The following STK3 variants were observed in gnomAD, a reference collection of about 807,000 sequenced individuals.
STK3 encodes serine/threonine-protein kinase 3.
A neutral mutation model predicts 58.0 loss-of-function variants in STK3; 41 were observed. That is an observed-to-expected ratio of 0.71 (90% CI 0.55 to 0.92). The LOEUF (loss-of-function observed/expected upper bound fraction) is 0.92, where lower values mean the gene tolerates loss of function less well. Among genes scored for constraint, STK3 ranks in the 40% least tolerant of loss-of-function variants. The pLI is 0.00. For missense variants in STK3, 479 were observed against 602.7 expected, an observed-to-expected ratio of 0.79 and a Z score of 2.15; for synonymous variants, 170 against 191.0, an observed-to-expected ratio of 0.89 and a Z score of 0.91.
At chr8:98,604,321 G>A (rs1327585056) in intron 6 of STK3, among the ~76,000 whole-genome samples, 1 of 152,214 alleles carries the variant, frequency 6.6e-6, no homozygotes, top group Non-Finnish European at 1.5e-5. Flanking sequence ...ACTGATAAAA[G>A]GCGTGGGCTC....
At chr8:98,744,189 TA>T (rs1325828045) in intron 4 of STK3, among the ~76,000 whole-genome samples, 1 of 152,160 alleles carries the variant, frequency 6.6e-6, no homozygotes, top group African/African-American at 2.4e-5. Flanking sequence ...CTCAGGGATC[TA>T]GAACTAGAAA....
chr8:98,712,531 C>T (rs1826568850), intron 4 of STK3, among the ~76,000 whole-genome samples: 1 of 150,984 alleles, frequency 6.6e-6, no homozygotes, highest in African/African-American at 2.4e-5. Context: ...TCAAAAGAGA[C>T]AAAGAAGGCC....
chr8:98,742,022 C>T (rs1268828799), intron 4 of STK3, among the ~76,000 whole-genome samples: 10 of 152,104 alleles, frequency 6.6e-5, no homozygotes, highest in Non-Finnish European at 1.2e-4. Context: ...CCTCCCAAGA[C>T]TAAACCAGGA....
chr8:98,730,396 T>C (rs927573802), intron 4 of STK3, among the ~76,000 whole-genome samples: 2 of 152,196 alleles, frequency 1.3e-5, no homozygotes, highest in African/African-American at 4.8e-5. Context: ...ATGTCTCTTA[T>C]ATATCAAACT....
At chr8:98,899,389 C>T (rs1348066711) in intron 1 of STK3, among the ~76,000 whole-genome samples, 2 of 152,132 alleles carry the variant, frequency 1.3e-5, no homozygotes, top group African/African-American at 2.4e-5. Context: ...TTCAACCAAC[C>T]TCAGATCAAA....
intron 3 of STK3, among the ~76,000 whole-genome samples, chr8:98,417,756 A>G (rs1371204006): frequency 4.6e-5 from 7 of 152,086 alleles, no homozygotes. Context: ...TGCCCAATAA[A>G]TGCTAGCTTT....
At chr8:98,804,630 C>T (rs1225382602) in intron 1 of STK3, among the ~76,000 whole-genome samples, 1 of 152,158 alleles carries the variant, frequency 6.6e-6, no homozygotes, top group African/African-American at 2.4e-5. Flanking sequence ...TAGTTATCTC[C>T]ACTTTGAAAT....
At chr8:98,651,191 T>C (rs189870898) in intron 6 of STK3, among the ~76,000 whole-genome samples, 103 of 152,274 alleles carry the variant, frequency 6.8e-4, no homozygotes, top group African/African-American at 2.2e-3. Context: ...CACGAAAATC[T>C]GCTGTTCTGC....
At chr8:98,825,320 G>T (rs562641896) in intron 1 of STK3, among the ~76,000 whole-genome samples, 195 bp downstream of exon 1, 1 of 152,066 alleles carries the variant, frequency 6.6e-6, no homozygotes, top group Non-Finnish European at 1.5e-5. Flanking sequence ...GGGAGGCTCC[G>T]GCTCCCGCTC....
intron 1 of STK3, among the ~76,000 whole-genome samples, chr8:98,889,382 C>T (rs989904063): frequency 1.3e-5 from 2 of 152,184 alleles, no homozygotes; most frequent in African/African-American, 2.4e-5. Context: ...TTCCCAGAAA[C>T]CTCCCTCCCC....
intron 1 of STK3, among the ~76,000 whole-genome samples, chr8:98,917,770 C>T (rs1465437903): frequency 6.6e-6 from 1 of 152,170 alleles, no homozygotes; most frequent in Non-Finnish European, 1.5e-5. Flanking sequence ...GAAGAAACCG[C>T]TCCTATTTCA....
chr8:98,371,611 A>G (rs1161935896), exon 3 of STK3: 1 of 152,216 alleles, frequency 6.6e-6, no homozygotes, highest in African/African-American at 2.4e-5. Context: ...TCCTCAACCA[A>G]AACACTTCCC....
At chr8:98,480,537 C>T (rs1403737757) in intron 10 of STK3, among the ~76,000 whole-genome samples, 1 of 152,064 alleles carries the variant, frequency 6.6e-6, no homozygotes, top group Non-Finnish European at 1.5e-5. Context: ...CTAGCTGCCA[C>T]AGTATGATTT....
At chr8:98,620,566 G>A (rs1345662759) in intron 6 of STK3, among the ~76,000 whole-genome samples, 4 of 145,874 alleles carry the variant, frequency 2.7e-5, no homozygotes, top group East Asian at 2.1e-4. Flanking sequence ...ACACTAAACC[G>A]AATAAAAATG....
At chr8:98,661,883 C>T (rs538613578) in intron 6 of STK3, among the ~76,000 whole-genome samples, 1 of 152,228 alleles carries the variant, frequency 6.6e-6, no homozygotes, top group Non-Finnish European at 1.5e-5. Flanking sequence ...ATACCTACCA[C>T]CCACCCTAAC....
intron 3 of STK3, among the ~76,000 whole-genome samples, chr8:98,838,188 G>A (rs535285435): frequency 1.1e-4 from 16 of 151,976 alleles, no homozygotes; most frequent in Non-Finnish European, 1.8e-4. Flanking sequence ...GGTTGCAGTG[G>A]GCCAAGATCA....
chr8:98,819,240 T>C (rs1255767902), intron 1 of STK3, among the ~76,000 whole-genome samples: 1 of 152,148 alleles, frequency 6.6e-6, no homozygotes, highest in Non-Finnish European at 1.5e-5. Context: ...CACCTCTACC[T>C]CCCATTTATG....
chr8:98,892,582 A>G (rs1181424578), intron 1 of STK3, among the ~76,000 whole-genome samples: 1 of 152,084 alleles, frequency 6.6e-6, no homozygotes, highest in East Asian at 1.9e-4. Context: ...TTTTGCTTCC[A>G]GGCCTTTGTA....
intron 3 of STK3, among the ~76,000 whole-genome samples, chr8:98,855,014 G>A (rs868058920): frequency 2.0e-5 from 3 of 152,226 alleles, no homozygotes; most frequent in South Asian, 2.1e-4. Context: ...CTGAGATTAC[G>A]CCACTGCATT....
Sources: gnomAD v4.1 joint callset for allele counts (sites outside exome capture counted in the v4.1 genomes callset) on GRCh38, gnomAD v4.1.1 for gene constraint, MANE v1.5 for transcripts, NCBI Gene and HGNC (gene_info 2026-07-23, HGNC 2026-07-21) for gene names.